The following OBI1 variants were observed in gnomAD, a reference collection of about 807,000 sequenced individuals.
The protein encoded by OBI1 is ring finger protein 219.
A neutral mutation model predicts 62.4 loss-of-function variants in OBI1; 59 were observed. The ratio of observed to expected loss-of-function variants is 0.95; its 90% CI spans 0.77 to 1.17. OBI1 has a LOEUF of 1.17. Ranked by LOEUF, OBI1 falls within the 50% of genes most tolerant of loss-of-function variation. The probability of loss-of-function intolerance (pLI) is 0.00; values close to 1 mark genes in which losing one functional copy is unlikely to be tolerated. For missense variants in OBI1, 875 were observed against 830.9 expected, an observed-to-expected ratio of 1.05 and a Z score of -0.65; for synonymous variants, 302 against 292.8, an observed-to-expected ratio of 1.03 and a Z score of -0.32.
Position 78,615,923 on chromosome 13 carries a change from A to G in OBI1, c.1838T>C (p.Phe613Ser). The G allele has an allele frequency of 6.2e-7, 1 of 1,613,898 alleles. No homozygotes were observed. Among genetic ancestry groups the G allele is most frequent in the Admixed American group, 1.7e-5 (1 of 59,960 alleles). The change falls in exon 6 of 6, where the codon TTT becomes TCT. Residue 613 changes from phenylalanine (F) to serine (S), a missense_variant. Phe to Ser is a radical substitution (Grantham distance 155). Coordinates refer to ENST00000282003, the MANE Select transcript of OBI1 (RefSeq NM_024546.4). ...NGSEWKPTSF[F>S]LLSPSDQEMN... ...TTCTTGGTCAGATGGAGAGAGGAGAAAAAAAGAAGTGGGTTTCCATTCACT... is the reference window on the plus strand; with the variant it reads ...TTCTTGGTCAGATGGAGAGAGGAGAGAAAAAGAAGTGGGTTTCCATTCACT...
intron 5 of OBI1, among the ~76,000 whole-genome samples, chr13:78,630,356 T>C (rs1875807678): frequency 6.6e-6 from 1 of 152,156 alleles, no homozygotes; most frequent in Non-Finnish European, 1.5e-5. Context: ...TATTCAACAA[T>C]TATCAAGATT....
chr13:78,621,672 T>C (rs1235882661), intron 5 of OBI1, among the ~76,000 whole-genome samples: 1 of 152,242 alleles, frequency 6.6e-6, no homozygotes, highest in Non-Finnish European at 1.5e-5. Flanking sequence ...GTCAGTCCAT[T>C]CAAGAAATTC....
intron 5 of OBI1, among the ~76,000 whole-genome samples, chr13:78,628,388 G>A (rs1875743704): frequency 6.6e-6 from 1 of 152,186 alleles, no homozygotes; most frequent in African/African-American, 2.4e-5. Flanking sequence ...CTTCTGTTAA[G>A]GCAGTAGAAG....
rs888642036 is a variant in OBI1 at position 78,615,361 on chromosome 13, C to A, written c.*219G>T. The A allele has an allele frequency of 3.1e-5, 12 of 382,034 alleles. No individual in the cohort carries two copies. In the Admixed American group the frequency reaches 3.4e-4, roughly 11 times the overall value. The allele number at this position is 382,034 out of a possible 1,614,324, so 23.7% of individuals were successfully genotyped here. A position where few individuals can be genotyped will look rare whatever the true frequency, so the allele number is the denominator to read the frequency against. ...AAAAATAACCTCCTCCCTAACTTCT[C>A]TGGTCACAAAGACTCCCAAATAAAA... On this transcript the variant is annotated 3_prime_UTR_variant, in exon 6 of 6. Coordinates refer to ENST00000282003, the MANE Select transcript of OBI1 (RefSeq NM_024546.4).
At chr13:78,657,263 T>C (rs1401762205) in intron 1 of OBI1, among the ~76,000 whole-genome samples, 1 of 149,602 alleles carries the variant, frequency 6.7e-6, no homozygotes, top group Non-Finnish European at 1.5e-5. Context: ...CTGATTTTTA[T>C]TTCAGAATAA....
intron 5 of OBI1, among the ~76,000 whole-genome samples, chr13:78,618,340 T>C (rs1008220585): frequency 1.1e-4 from 17 of 152,170 alleles, no homozygotes; most frequent in African/African-American, 3.4e-4. Flanking sequence ...TTTTTCTTCC[T>C]TTTTTCCCCT....
At chr13:78,633,565 C>T (rs1875920440) in intron 5 of OBI1, among the ~76,000 whole-genome samples, 1 of 152,128 alleles carries the variant, frequency 6.6e-6, no homozygotes, top group African/African-American at 2.4e-5. Flanking sequence ...TCTCATGTGC[C>T]ATCCCTCAGA....
chr13:78,646,013 C>CT (rs994139049), intron 1 of OBI1, among the ~76,000 whole-genome samples: 10 of 152,258 alleles, frequency 6.6e-5, no homozygotes, highest in Admixed American at 2.6e-4. Flanking sequence ...TTTTCCATCT[C>CT]TTTTTTTAAA....
intron 4 of OBI1, among the ~76,000 whole-genome samples, chr13:78,636,997 G>A (rs1333359461): frequency 6.6e-6 from 1 of 152,200 alleles, no homozygotes; most frequent in Non-Finnish European, 1.5e-5. Context: ...GTTCAAGAAG[G>A]TTAGGTGAAT....
chr13:78,635,886 C>T (rs1211230143), intron 4 of OBI1, among the ~76,000 whole-genome samples: 1 of 152,096 alleles, frequency 6.6e-6, no homozygotes, highest in Non-Finnish European at 1.5e-5. Context: ...TCTCAGCCTC[C>T]CGAAGAGCTG....
At chr13:78,637,662 A>C (rs1416997623) in intron 4 of OBI1, among the ~76,000 whole-genome samples, 2 of 152,212 alleles carry the variant, frequency 1.3e-5, no homozygotes, top group African/African-American at 4.8e-5. Context: ...TTAGTATCCT[A>C]TTGTCTTCTA....
rs762186632 is a variant in OBI1, at chr13:78,616,175, G to A, written c.1586C>T (p.Ser529Leu). 6.2e-7 allele frequency: 1 copy of A among 1,614,098 alleles called. No individual in the cohort carries two copies. The highest frequency in any genetic ancestry group is 8.5e-7 in the Non-Finnish European group (1 of 1,180,006). Residue 529 changes from serine to leucine, a missense_variant, in exon 6 of 6, where the codon TCG becomes TTG. Physicochemically the swap from Ser to Leu is moderately radical, Grantham distance 145. Coordinates refer to ENST00000282003, the MANE Select transcript of OBI1 (RefSeq NM_024546.4). ...MNRTRTSSEASMDAAYLDKIS... is the reference protein window; with the variant it reads ...MNRTRTSSEALMDAAYLDKIS... ...TTTGTCAAGGTAAGCAGCATCCATC[G>A]ATGCTTCACTGGATGTTCTTGTCCG...
chr13:78,621,822 G>A (rs1482799651), intron 5 of OBI1, among the ~76,000 whole-genome samples: 3 of 152,174 alleles, frequency 2.0e-5, no homozygotes, highest in East Asian at 1.9e-4. Context: ...GCTCTTTCAC[G>A]ATATTGAGAG....
Position 78,618,460 on chromosome 13 carries a change from G to A in OBI1, c.639-1338C>T, listed in dbSNP as rs1316923982. Among the ~76,000 whole-genome samples the A allele has an allele frequency of 3.3e-5, 5 of 150,946 alleles. No individual in the cohort carries two copies. The East Asian group carries it at 7.8e-4, about 23-fold the overall frequency. Reference sequence around the variant, plus strand: ...CCCCTCTTAGAATCAACCACAACATGTTTTCAACTCCCACTTAATGCCCAT... The same window carrying A: ...CCCCTCTTAGAATCAACCACAACATATTTTCAACTCCCACTTAATGCCCAT... On this transcript the variant is annotated intron_variant, in intron 5 of 5. Coordinates refer to ENST00000282003, the MANE Select transcript of OBI1 (RefSeq NM_024546.4).
intron 1 of OBI1, among the ~76,000 whole-genome samples, chr13:78,654,835 C>A (rs920909966): frequency 1.3e-5 from 2 of 152,136 alleles, no homozygotes; most frequent in African/African-American, 4.8e-5. Context: ...TGAGTCCCTT[C>A]CAAATGAAAA....
intron 5 of OBI1, among the ~76,000 whole-genome samples, chr13:78,626,341 C>T (rs1015346516): frequency 6.6e-6 from 1 of 152,156 alleles, no homozygotes; most frequent in African/African-American, 2.4e-5. Flanking sequence ...GATACACACA[C>T]ATATATACGT....
In OBI1 at chr13:78,616,094, T is replaced by G. The variant is rs1875272737; in HGVS notation, c.1667A>C (p.Asn556Thr). The change falls in exon 6 of 6, where the codon AAT becomes ACT. Residue 556 changes from asparagine to threonine, a missense_variant. By Grantham distance (65) the Asn-to-Thr change is moderately conservative (BLOSUM62 0). Coordinates refer to ENST00000282003, the MANE Select transcript of OBI1 (RefSeq NM_024546.4). ...CAAATCCAGTGACTTAAAACCGTTATTACAAGGGCTCTTGCTGTTGTCTGA... is the reference window on the plus strand; with the variant it reads ...CAAATCCAGTGACTTAAAACCGTTAGTACAAGGGCTCTTGCTGTTGTCTGA... ...SESDNSKSPC[N>T]NGFKSLDLDG... 1 of 1,614,050 alleles carries G rather than the reference T, an allele frequency of 6.2e-7. No homozygotes were observed. Among genetic ancestry groups the G allele is most frequent in the East Asian group, 2.2e-5 (1 of 44,888 alleles).
intron 5 of OBI1, among the ~76,000 whole-genome samples, chr13:78,626,833 A>C (rs1167800785): frequency 6.6e-6 from 1 of 152,306 alleles, no homozygotes; most frequent in Non-Finnish European, 1.5e-5. Flanking sequence ...TTGGGAGGCC[A>C]AGGCAGGCGG....
intron 5 of OBI1, chr13:78,620,518 G>T (rs1037291852): frequency 2.3e-6 from 1 of 425,626 alleles, no homozygotes; most frequent in Non-Finnish European, 4.7e-6. Context: ...AGCAGTTTGG[G>T]AGCTACAATT....
Sources: allele counts gnomAD v4.1 joint callset (sites outside exome capture counted in the v4.1 genomes callset), GRCh38; gene constraint gnomAD v4.1.1; transcripts MANE v1.5; gene names NCBI Gene and HGNC (gene_info 2026-07-23, HGNC 2026-07-21).